NR6A1: variants seen among roughly 807,000 people sequenced by gnomAD.
The protein encoded by NR6A1 is nuclear receptor subfamily 6 group A member 1, also known as retinoic acid receptor-related testis-associated receptor.
NR6A1 carries 7 observed loss-of-function variants against 59.1 expected under a neutral mutation model. The ratio of observed to expected loss-of-function variants is 0.12; its 90% CI spans 0.07 to 0.22. The LOEUF (loss-of-function observed/expected upper bound fraction) is 0.22. NR6A1 is among the 10% of genes least tolerant of loss of function. NR6A1 has a pLI of 1.00. For missense variants in NR6A1, 468 were observed against 611.6 expected (o/e 0.77, Z 2.48); for synonymous variants, 243 against 236.1 (o/e 1.03, Z -0.27).
At chr9:124,667,055 A>C (rs1334010023) in intron 2 of NR6A1, among the ~76,000 whole-genome samples, 1 of 138,318 alleles carries the variant, frequency 7.2e-6, no homozygotes, top group African/African-American at 2.7e-5. Context: ...TTTTTTTTTG[A>C]GACAGAATCT....
Position 124,536,027 on chromosome 9 carries a change from C to T in NR6A1, c.930G>A (p.Glu310=), listed in dbSNP as rs749926877. Residue 310 remains glutamate, a synonymous_variant, in exon 7 of 10, where the codon GAG becomes GAA. Transcript: ENST00000487099. ...GGCACGTGTAATCCTTGATTGAGAG[C>T]TCGCAGAAGAAAGGCAGTTTCTTGA... ...AWIKKLPFFC[E]LSIKDYTCLL... 4.3e-6 allele frequency: 7 copies of T among 1,614,092 alleles called. No homozygotes were observed. The South Asian group carries it at 5.5e-5, about 13-fold the overall frequency.
rs59451556 is a variant in NR6A1, at chr9:124,665,010, CAAA to C, written c.142+68295_142+68297del. Among the ~76,000 whole-genome samples, 9 of 13,748 alleles carry C rather than the reference CAAA, an allele frequency of 6.5e-4. 1 individual carries two copies. The highest frequency in any genetic ancestry group is 2.1e-3 in the Admixed American group (2 of 940). 9.0% of individuals were successfully genotyped at this position (13,748 alleles called of 152,430 possible). ...CAATATAATAAGATCCTTGTATCTC[CAAA>C]AAAAAAAAAAAAAAAAAAAAAAAGG... On this transcript the variant is annotated intron_variant, in intron 2 of 9. Transcript: ENST00000487099.
At chr9:124,603,911 G>A (rs1835512061) in intron 2 of NR6A1, among the ~76,000 whole-genome samples, 1 of 152,154 alleles carries the variant, frequency 6.6e-6, no homozygotes, top group Non-Finnish European at 1.5e-5. Flanking sequence ...TGAGGGATTG[G>A]CTGTAATAAA....
intron 1 of NR6A1, among the ~76,000 whole-genome samples, chr9:124,734,890 T>C (rs2131133306): frequency 6.6e-6 from 1 of 152,290 alleles, no homozygotes; most frequent in East Asian, 1.9e-4. Context: ...TCGCCCAGGC[T>C]AGAGTGCAGT....
intron 2 of NR6A1, among the ~76,000 whole-genome samples, chr9:124,562,543 G>T (rs960251205): frequency 6.6e-6 from 1 of 151,938 alleles, no homozygotes; most frequent in African/African-American, 2.4e-5. Context: ...TGACCCTCAC[G>T]CCTCGCCTCC....
chr9:124,716,794 G>A (rs1465896399), intron 2 of NR6A1, among the ~76,000 whole-genome samples: 2 of 152,110 alleles, frequency 1.3e-5, no homozygotes, highest in East Asian at 3.8e-4. Context: ...ACCACACCCA[G>A]CTAATTTTTG....
chr9:124,726,390 G>C (rs188636151), intron 2 of NR6A1, among the ~76,000 whole-genome samples: 36 of 152,180 alleles, frequency 2.4e-4, no homozygotes, highest in African/African-American at 7.7e-4. Context: ...TAAGTTCATC[G>C]GTTAGCTGCA....
At chr9:124,738,583 CG>C (rs1201207220) in intron 1 of NR6A1, among the ~76,000 whole-genome samples, 2 of 152,134 alleles carry the variant, frequency 1.3e-5, no homozygotes, top group African/African-American at 4.8e-5. Context: ...AAAAAGGACA[CG>C]GGGGCCGGGC....
At chr9:124,746,704 C>T (rs1416357645) in intron 1 of NR6A1, among the ~76,000 whole-genome samples, 2 of 152,080 alleles carry the variant, frequency 1.3e-5, no homozygotes, top group African/African-American at 4.8e-5. Context: ...AACATAAATA[C>T]AAAAGATACT....
chr9:124,725,891 T>A (rs1839701674), intron 2 of NR6A1, among the ~76,000 whole-genome samples: 1 of 152,262 alleles, frequency 6.6e-6, no homozygotes, highest in Admixed American at 6.5e-5. Context: ...TGTGTCATTA[T>A]TTAATGATCA....
At chr9:124,539,149 C>A (rs1392300849) in intron 5 of NR6A1, among the ~76,000 whole-genome samples, 1 of 152,106 alleles carries the variant, frequency 6.6e-6, no homozygotes, top group East Asian at 1.9e-4. Flanking sequence ...AAGCAATCTA[C>A]CCACCTTGAC....
chr9:124,730,269 T>C (rs1193538695), intron 2 of NR6A1, among the ~76,000 whole-genome samples: 1 of 152,216 alleles, frequency 6.6e-6, no homozygotes, highest in East Asian at 1.9e-4. Flanking sequence ...TTGCTCTGTG[T>C]CACCTAGGCT....
chr9:124,619,435 TG>T (rs1222283485), intron 2 of NR6A1, among the ~76,000 whole-genome samples: 3 of 152,100 alleles, frequency 2.0e-5, no homozygotes, highest in Non-Finnish European at 2.9e-5. Flanking sequence ...GACTAATTTT[TG>T]TATCTCTGTA....
chr9:124,649,105 A>G (rs115443438), intron 2 of NR6A1, among the ~76,000 whole-genome samples: 1,563 of 152,106 alleles, frequency 0.01, 27 homozygotes, highest in African/African-American at 0.036. Flanking sequence ...CCTAAAATTC[A>G]TATGAAACCT....
intron 2 of NR6A1, among the ~76,000 whole-genome samples, chr9:124,712,982 C>T (rs1431584174): frequency 1.3e-5 from 2 of 152,136 alleles, no homozygotes; most frequent in Non-Finnish European, 2.9e-5. Context: ...AGGGCATCTA[C>T]AAAAACCCTA....
At chr9:124,748,811 G>C (rs896806338) in intron 1 of NR6A1, among the ~76,000 whole-genome samples, 1 of 150,978 alleles carries the variant, frequency 6.6e-6, no homozygotes, top group African/African-American at 2.4e-5. Flanking sequence ...CTTGCAGTGA[G>C]CTGAGATCGC....
At chr9:124,648,705 GC>G (rs1564217807) in intron 2 of NR6A1, among the ~76,000 whole-genome samples, 3 of 148,788 alleles carry the variant, frequency 2.0e-5, no homozygotes, top group Non-Finnish European at 4.5e-5. Context: ...TAAAGATACT[GC>G]TAAAAAAAAA....
intron 2 of NR6A1, among the ~76,000 whole-genome samples, chr9:124,567,251 T>C (rs975836115): frequency 6.6e-6 from 1 of 151,856 alleles, no homozygotes; most frequent in African/African-American, 2.4e-5. Context: ...GTTGAAGCTA[T>C]GGGAACAGAT....
At chr9:124,664,982 G>A (rs1354573063) in intron 2 of NR6A1, among the ~76,000 whole-genome samples, 1 of 141,740 alleles carries the variant, frequency 7.1e-6, no homozygotes. Flanking sequence ...AGACCAGGCT[G>A]GGCAATATAA....
Sources: allele counts gnomAD v4.1 joint callset (sites outside exome capture counted in the v4.1 genomes callset), GRCh38; gene constraint gnomAD v4.1.1; transcripts MANE v1.5; gene names NCBI Gene and HGNC (gene_info 2026-07-23, HGNC 2026-07-21).